IL1B: variants seen among roughly 807,000 people sequenced by gnomAD.
IL1B encodes interleukin-1 beta.
Under a neutral mutation model 26.2 loss-of-function variants are expected in IL1B, and 11 were observed. The observed-to-expected ratio is 0.42, with a 90% confidence interval of 0.26 to 0.70. The LOEUF is 0.70. Among genes scored for constraint, IL1B ranks in the 30% least tolerant of loss-of-function variants. The probability of loss-of-function intolerance (pLI) is 0.25; values close to 1 mark genes in which losing one functional copy is unlikely to be tolerated. For missense variants in IL1B, 255 were observed against 327.5 expected (o/e 0.78, Z 1.71); for synonymous variants, 118 against 120.8 (o/e 0.98, Z 0.15).
At chr2:112,836,137 A>C (rs775041641) in intron 2 of IL1B, 46 bp downstream of exon 2, 1 of 1,579,722 alleles carries the variant, frequency 6.3e-7, no homozygotes, top group Admixed American at 1.7e-5. Flanking sequence ...TCTACTCTTG[A>C]AAGAGGAGAC....
rs1046280182 is a variant in IL1B, at chr2:112,833,287, T to C, written c.301+87A>G. The C allele has an allele frequency of 1.5e-5, 19 of 1,305,610 alleles. No individual in the cohort carries two copies. In the African/African-American group the frequency reaches 2.5e-4, roughly 17 times the overall value. The allele number at this position is 1,305,610 out of a possible 1,614,324, so 80.9% of individuals were successfully genotyped here. A position where few individuals can be genotyped will look rare whatever the true frequency, so the allele number is the denominator to read the frequency against. On this transcript the variant is annotated intron_variant, in intron 4 of 6. Coordinates refer to ENST00000263341, the MANE Select transcript of IL1B (RefSeq NM_000576.3). The stretch of plus-strand genomic sequence containing the variant: ...TGGGCCTTCTACCTTTAAAGGGCTT[T>C]GGCTCTGGGGGAATTGAGTTGGCTG...
rs140343610 is a variant in IL1B at position 112,830,478 on chromosome 2, G to A, written c.693C>T (p.Ala231=). The change falls in exon 7 of 7, where the codon GCC becomes GCT. Residue 231 remains alanine, a synonymous_variant. Coordinates refer to ENST00000263341, the MANE Select transcript of IL1B (RefSeq NM_000576.3). ...EINNKLEFES[A]QFPNWYISTS... ...TGCTGATGTACCAGTTGGGGAACTG[G>A]GCAGACTCAAATTCCAGCTTGTTAT... 4 of 1,613,716 alleles carry A rather than the reference G, an allele frequency of 2.5e-6. No individual in the cohort carries two copies. In the African/African-American group the frequency reaches 4.0e-5, roughly 16 times the overall value.
At chr2:112,831,074 G>A (rs1299139156) in intron 6 of IL1B, 12 of 552,268 alleles carry the variant, frequency 2.2e-5, no homozygotes, top group South Asian at 1.8e-4. Context: ...AACTATGGTA[G>A]GACATAATAA....
chr2:112,834,039 T>A (rs970812514), intron 3 of IL1B, among the ~76,000 whole-genome samples: 3 of 151,892 alleles, frequency 2.0e-5, no homozygotes, highest in African/African-American at 7.3e-5. Flanking sequence ...TAAAATAAAA[T>A]AAAAAGATTA....
In IL1B at chr2:112,830,459, T is replaced by G; in HGVS notation, c.712A>C (p.Ile238Leu). The change falls in exon 7 of 7, where the codon ATC (isoleucine) becomes CTC (leucine). Residue 238 changes from isoleucine (I) to leucine (L), a missense_variant. Physicochemically the swap from Ile to Leu is conservative, Grantham distance 5. Transcript: ENST00000263341. ...ATGTTTTCTGCTTGAGAGGTGCTGATGTACCAGTTGGGGAACTGGGCAGAC... is the reference window on the plus strand; with the variant it reads ...ATGTTTTCTGCTTGAGAGGTGCTGAGGTACCAGTTGGGGAACTGGGCAGAC... ...FESAQFPNWYISTSQAENMPV... is the reference protein window; with the variant it reads ...FESAQFPNWYLSTSQAENMPV... 6.2e-7 allele frequency: 1 copy of G among 1,614,020 alleles called. No individual in the cohort carries two copies. The highest frequency in any genetic ancestry group is 8.5e-7 in the Non-Finnish European group (1 of 1,179,942).
In IL1B at chr2:112,831,387, T is replaced by C. The variant is rs770384688; in HGVS notation, c.502A>G (p.Ser168Gly). ...AAGGCCACAGGTATTTTGTCATTAC[T>C]TTCTTCTCCTTGTACAAAGGACATG... ...FSMSFVQGEESNDKIPVALGL... is the reference protein window; with the variant it reads ...FSMSFVQGEEGNDKIPVALGL... Residue 168 changes from serine (S) to glycine (G), a missense_variant, in exon 6 of 7, where the codon AGT becomes GGT. Coordinates refer to ENST00000263341, the MANE Select transcript of IL1B (RefSeq NM_000576.3). The C allele has an allele frequency of 1.9e-6, 3 of 1,614,012 alleles. No individual in the cohort carries two copies. In the South Asian group the frequency reaches 3.3e-5, roughly 18 times the overall value.
rs3917350 is a variant in IL1B, at chr2:112,836,120, A to G, written c.47+63T>C. On this transcript the variant is annotated intron_variant, in intron 2 of 6. Transcript: ENST00000263341. ...GGAAAAATCTGGTCTCCAAGCACAG[A>G]TAACACTCTACTCTTGAAAGAGGAG... 1,949 of 1,519,384 alleles carry G rather than the reference A, an allele frequency of 1.3e-3. 23 individuals are homozygous for G. The African/African-American group carries it at 0.024, about 19-fold the overall frequency. 94.1% of individuals were successfully genotyped at this position (1,519,384 alleles called of 1,614,324 possible). A position where few individuals can be genotyped will look rare whatever the true frequency, so the allele number is the denominator to read the frequency against.
intron 3 of IL1B, chr2:112,835,038 G>A (rs750214318): frequency 2.9e-5 from 5 of 174,348 alleles, no homozygotes; most frequent in South Asian, 1.3e-4. Context: ...GGTCCAAAGC[G>A]GGTAAAATGA....
At chr2:112,833,994 TAAAACAAAAC>T (rs3917357) in intron 3 of IL1B, among the ~76,000 whole-genome samples, 27 of 151,490 alleles carry the variant, frequency 1.8e-4, no homozygotes, top group African/African-American at 5.3e-4. Context: ...CTCTGTCTCA[TAAAACAAAAC>T]AAAACAAAAC....
chr2:112,836,085 G>A, intron 2 of IL1B, 98 bp downstream of exon 2: 1 of 1,139,762 alleles, frequency 8.8e-7, no homozygotes, highest in East Asian at 2.4e-5. Context: ...ACTGAAAGAG[G>A]CAATTTAGGG....
intron 3 of IL1B, chr2:112,835,286 G>T: frequency 1.9e-6 from 1 of 513,394 alleles, no homozygotes; most frequent in Non-Finnish European, 3.5e-6. Flanking sequence ...TTATGTTGAA[G>T]ACTTGGTTGT....
chr2:112,831,056 G>A, intron 6 of IL1B: 1 of 510,362 alleles, frequency 2.0e-6, no homozygotes, highest in East Asian at 4.0e-5. Flanking sequence ...ATAATCTGTT[G>A]GGGTTGTAAC....
chr2:112,833,672 C>A, intron 3 of IL1B, 97 bp from the exon 4 acceptor site: 2 of 1,158,146 alleles, frequency 1.7e-6, no homozygotes, highest in South Asian at 2.5e-5. Context: ...GAGGAAAGGG[C>A]TTGAAAGAAT....
chr2:112,832,235 G>C (rs1028525002), intron 5 of IL1B, among the ~76,000 whole-genome samples: 7 of 152,152 alleles, frequency 4.6e-5, no homozygotes, highest in African/African-American at 1.7e-4. Context: ...CTGGCATTGG[G>C]TGGGACGGAT....
At position 112,833,525 on chromosome 2, in the gene IL1B, T is replaced by C. The variant is rs760831358; in HGVS notation, c.150A>G (p.Leu50=). ...DLCPLDGGIQ[L]RISDHHYSKG... ...TGCTGTAGTGGTGGTCGGAGATTCG[T>C]AGCTGGATGCCGCCATCCAGAGGGC... The change falls in exon 4 of 7, where the codon CTA becomes CTG. Residue 50 remains leucine (L), a synonymous_variant. Coordinates refer to ENST00000263341, the MANE Select transcript of IL1B (RefSeq NM_000576.3). 1.2e-6 allele frequency: 2 copies of C among 1,614,066 alleles called. No homozygotes were observed. The highest frequency in any genetic ancestry group is 2.7e-5 in the African/African-American group (2 of 75,020).
rs1682030902 is a variant in IL1B, at chr2:112,833,550, C to T, written c.125G>A (p.Cys42Tyr). 1 of 1,614,002 alleles carries T rather than the reference C, an allele frequency of 6.2e-7. No individual in the cohort carries two copies. Among genetic ancestry groups the T allele is most frequent in the Non-Finnish European group, 8.5e-7 (1 of 1,180,006 alleles). ...MKCSFQDLDL[C>Y]PLDGGIQLRI... is the part of the protein sequence containing the mutation. ...TAGCTGGATGCCGCCATCCAGAGGG[C>T]AGAGGTCCAGGTCCTGGAAGGAGCA... The change falls in exon 4 of 7, where the codon TGC (cysteine) becomes TAC (tyrosine). Residue 42 changes from cysteine to tyrosine, a missense_variant. By Grantham distance (194) the Cys-to-Tyr change is radical. Transcript: ENST00000263341.
At chr2:112,831,939 C>T (rs549588849) in intron 5 of IL1B, among the ~76,000 whole-genome samples, 170 of 152,324 alleles carry the variant, frequency 1.1e-3, no homozygotes, top group African/African-American at 4.0e-3. Context: ...TCAGTCACAG[C>T]AGTGTCAATT....
intron 4 of IL1B, 193 bp downstream of exon 4, chr2:112,833,181 C>T (rs931688877): frequency 9.2e-6 from 6 of 655,326 alleles, no homozygotes; most frequent in Middle Eastern, 4.0e-4. Context: ...TGTCAGTAGC[C>T]ATCAAGATCT....
chr2:112,835,641 C>G, intron 2 of IL1B, 24 bp from the exon 3 acceptor site: 1 of 1,594,862 alleles, frequency 6.3e-7, no homozygotes, highest in Non-Finnish European at 8.6e-7. Flanking sequence ...AGGGACATGT[C>G]TCAATTATGT....
Sources: gnomAD v4.1 joint callset for allele counts (sites outside exome capture counted in the v4.1 genomes callset) on GRCh38, gnomAD v4.1.1 for gene constraint, MANE v1.5 for transcripts, NCBI Gene and HGNC (gene_info 2026-07-23, HGNC 2026-07-21) for gene names.